The following CD200R1L variants were observed in gnomAD, a reference collection of about 807,000 sequenced individuals.
CD200R1L encodes CD200 receptor 1 like, also known as cell surface glycoprotein CD200 receptor 2.
A neutral mutation model predicts 24.8 loss-of-function variants in CD200R1L; 14 were observed. The ratio of observed to expected loss-of-function variants is 0.56; its 90% CI spans 0.37 to 0.88. The LOEUF (loss-of-function observed/expected upper bound fraction) is 0.88, where lower values mean the gene tolerates loss of function less well. CD200R1L is among the 40% of genes least tolerant of loss of function. The probability of loss-of-function intolerance (pLI) is 0.00; values close to 1 mark genes in which losing one functional copy is unlikely to be tolerated. For missense variants in CD200R1L, 299 were observed against 297.8 expected, an observed-to-expected ratio of 1.00 and a Z score of -0.03; for synonymous variants, 111 against 109.2, an observed-to-expected ratio of 1.02 and a Z score of -0.11.
At chr3:112,827,767 T>A (rs564860777) in intron 4 of CD200R1L, 83 bp from the exon 5 acceptor site, 47 of 1,300,874 alleles carry the variant, frequency 3.6e-5, no homozygotes, top group Admixed American at 4.7e-5. Context: ...GTATATTACA[T>A]GAAGTTTTAT....
chr3:112,839,213 T>C (rs1268616424), intron 2 of CD200R1L, among the ~76,000 whole-genome samples: 3 of 152,208 alleles, frequency 2.0e-5, no homozygotes, highest in Non-Finnish European at 4.4e-5. Context: ...CAGAATTGTT[T>C]CGGGGTTTTC....
At chr3:112,816,513 C>T (rs1242068844) in intron 7 of CD200R1L, among the ~76,000 whole-genome samples, 1 of 152,180 alleles carries the variant, frequency 6.6e-6, no homozygotes, top group African/African-American at 2.4e-5. Context: ...ATGGAAAGAA[C>T]TCTAAAGTCA....
rs867512907 is a variant in CD200R1L, at chr3:112,827,409, G to A, written c.325C>T (p.Pro109Ser). The A allele has an allele frequency of 1.9e-6, 3 of 1,613,958 alleles. No homozygotes were observed. The highest frequency in any genetic ancestry group is 2.5e-6 in the Non-Finnish European group (3 of 1,180,024). ...TATCCACGATGGAAATTCCCATCAGGTGTTACCACTATGCCTCTGTAATAC... is the reference window on the plus strand; with the variant it reads ...TATCCACGATGGAAATTCCCATCAGATGTTACCACTATGCCTCTGTAATAC... ...DGYYRGIVVT[P>S]DGNFHRGYHL... The change falls in exon 5 of 8, where the codon CCT becomes TCT. Residue 109 changes from proline to serine, a missense_variant. By Grantham distance (74) the Pro-to-Ser change is moderately conservative. Coordinates refer to ENST00000488794, the MANE Select transcript of CD200R1L (RefSeq NM_001199215.3).
intron 3 of CD200R1L, among the ~76,000 whole-genome samples, chr3:112,833,715 C>T (rs1938866547): frequency 6.6e-6 from 1 of 152,144 alleles, no homozygotes; most frequent in Non-Finnish European, 1.5e-5. Context: ...ATACTGTCAT[C>T]TCTCCCTCAG....
At chr3:112,842,470 G>A (rs934845461) in intron 2 of CD200R1L, among the ~76,000 whole-genome samples, 1 of 152,094 alleles carries the variant, frequency 6.6e-6, no homozygotes, top group Non-Finnish European at 1.5e-5. Flanking sequence ...ATGTGTGTTT[G>A]AACAATATGA....
intron 3 of CD200R1L, among the ~76,000 whole-genome samples, chr3:112,831,876 T>C (rs1251620421): frequency 6.6e-6 from 1 of 152,234 alleles, no homozygotes; most frequent in Non-Finnish European, 1.5e-5. Flanking sequence ...CCTAGCAAAC[T>C]AATACAGTGC....
At chr3:112,831,837 C>T (rs1284700957) in intron 3 of CD200R1L, among the ~76,000 whole-genome samples, 5 of 152,220 alleles carry the variant, frequency 3.3e-5, no homozygotes, top group Non-Finnish European at 4.4e-5. Flanking sequence ...GCCTCCACTT[C>T]TCACTCCATG....
Position 112,845,755 on chromosome 3 carries a change from T to C in CD200R1L, c.-163A>G. Reference sequence around the variant, plus strand: ...CTAAAGTATGCTTTTGGAGTGGTTTTCTACTTAAACATAAATCCACTTTAA... The same window carrying C: ...CTAAAGTATGCTTTTGGAGTGGTTTCCTACTTAAACATAAATCCACTTTAA... On this transcript the variant is annotated 5_prime_UTR_variant, in exon 2 of 8. Transcript: ENST00000488794. 6.3e-7 allele frequency: 1 copy of C among 1,588,408 alleles called. No individual in the cohort carries two copies. The highest frequency in any genetic ancestry group is 8.6e-7 in the Non-Finnish European group (1 of 1,158,452).
chr3:112,829,198 A>G, intron 4 of CD200R1L, 121 bp downstream of exon 4: 2 of 713,318 alleles, frequency 2.8e-6, no homozygotes, highest in East Asian at 2.6e-5. Flanking sequence ...CACAGCACTC[A>G]GATCAACATG....
chr3:112,819,858 C>A lies in CD200R1L; in HGVS notation c.654G>T (p.Leu218=). The A allele has an allele frequency of 1.2e-6, 2 of 1,610,266 alleles. No homozygotes were observed. The highest frequency in any genetic ancestry group is 1.7e-5 in the Admixed American group (1 of 59,256). Reference sequence around the variant, plus strand: ...GAGAGAGTTTCACATAAAGAATGATCAGTAAGGACAACGCTGGAGATCCTG... The same window carrying A: ...GAGAGAGTTTCACATAAAGAATGATAAGTAAGGACAACGCTGGAGATCCTG... The part of the protein sequence containing the change: ...RTSGSPALSL[L]IILYVKLSLF... The change falls in exon 7 of 8, where the codon CTG becomes CTT. Residue 218 remains leucine, a synonymous_variant. Transcript: ENST00000488794.
intron 2 of CD200R1L, among the ~76,000 whole-genome samples, chr3:112,843,652 T>A (rs550214434): frequency 6.6e-6 from 1 of 152,316 alleles, no homozygotes; most frequent in South Asian, 2.1e-4. Context: ...CAATCAAGAC[T>A]ATAAAGCAAC....
chr3:112,821,749 A>G (rs928913272), intron 6 of CD200R1L, among the ~76,000 whole-genome samples: 1 of 152,236 alleles, frequency 6.6e-6, no homozygotes, highest in African/African-American at 2.4e-5. Flanking sequence ...ACCTGTCTCC[A>G]ATACTTTTTA....
intron 6 of CD200R1L, 61 bp downstream of exon 6, chr3:112,826,932 T>C: frequency 6.6e-7 from 1 of 1,504,342 alleles, no homozygotes. Context: ...TTATTCGTTA[T>C]TTTCTATGGA....
At position 112,839,435 on chromosome 3, in the gene CD200R1L, C is replaced by A. The variant is rs1245800258; in HGVS notation, c.-86-1425G>T. On this transcript the variant is annotated intron_variant, in intron 2 of 7. Coordinates refer to ENST00000488794, the MANE Select transcript of CD200R1L (RefSeq NM_001199215.3). ...GAACATTTACATATAACAAGATTGG[C>A]TCGTTTCTCCTAATTTGCTGCCCAA... Among the ~76,000 whole-genome samples, 7 of 152,212 alleles carry A rather than the reference C, an allele frequency of 4.6e-5. No individual in the cohort carries two copies. The East Asian group carries it at 1.2e-3, about 25-fold the overall frequency.
intron 2 of CD200R1L, among the ~76,000 whole-genome samples, chr3:112,845,163 G>T (rs1415658360): frequency 6.6e-6 from 1 of 151,998 alleles, no homozygotes; most frequent in Non-Finnish European, 1.5e-5. Context: ...GAAAAAAAAA[G>T]AGGAGGTTCA....
At chr3:112,829,488 C>T in intron 3 of CD200R1L, 104 bp from the exon 4 acceptor site, 1 of 1,273,918 alleles carries the variant, frequency 7.8e-7, no homozygotes, top group Non-Finnish European at 1.1e-6. Context: ...AATTAGTTAA[C>T]CATAACTAAA....
chr3:112,829,169 CAT>C, intron 4 of CD200R1L, 148 bp downstream of exon 4: 1 of 586,994 alleles, frequency 1.7e-6, no homozygotes, highest in Non-Finnish European at 3.1e-6. Flanking sequence ...GAGACTGGGA[CAT>C]TCAGGGTCCT....
chr3:112,821,056 C>CA (rs552399170), intron 6 of CD200R1L, among the ~76,000 whole-genome samples: 917 of 82,684 alleles, frequency 0.011, 6 homozygotes, highest in African/African-American at 0.032. Context: ...GACTCTGTCT[C>CA]AAAAAAAAAA....
intron 4 of CD200R1L, 31 bp from the exon 5 acceptor site, chr3:112,827,715 GA>G (rs1385833691): frequency 4.4e-6 from 7 of 1,576,610 alleles, no homozygotes; most frequent in Non-Finnish European, 8.6e-7. Context: ...TAATGATATA[GA>G]AAACCTTGAT....
Sources: allele counts gnomAD v4.1 joint callset (sites outside exome capture counted in the v4.1 genomes callset), GRCh38; gene constraint gnomAD v4.1.1; transcripts MANE v1.5; gene names NCBI Gene and HGNC (gene_info 2026-07-23, HGNC 2026-07-21).